The following LRRC8D variants were observed in gnomAD, a reference collection of about 807,000 sequenced individuals.
LRRC8D encodes volume-regulated anion channel subunit LRRC8D.
LRRC8D carries 20 observed loss-of-function variants against 55.8 expected under a neutral mutation model. That is an observed-to-expected ratio of 0.36 (90% CI 0.25 to 0.52). LRRC8D has a LOEUF of 0.52. LRRC8D is among the 20% of genes least tolerant of loss of function. The pLI is 0.93. For synonymous variants in LRRC8D, 352 were observed against 377.0 expected, an observed-to-expected ratio of 0.93 and a Z score of 0.77; for missense variants, 651 against 1,030.8, an observed-to-expected ratio of 0.63 and a Z score of 5.05.
Position 89,935,441 on chromosome 1 carries a change from A to C in LRRC8D, c.2373A>C (p.Pro791=), listed in dbSNP as rs551274416. The stretch of plus-strand genomic sequence containing the variant: ...GACAGAACTGCATCACCTCACTCCC[A>C]GAGAAAGTTGGTCAGCTCTCCCAGC... The part of the protein sequence containing the change: ...NLGQNCITSL[P]EKVGQLSQLT... Residue 791 remains proline, a synonymous_variant, in exon 3 of 3, where the codon CCA becomes CCC. Coordinates refer to ENST00000337338, the MANE Select transcript of LRRC8D (RefSeq NM_001134479.2). 1 of 1,614,230 alleles carries C rather than the reference A, an allele frequency of 6.2e-7. No homozygotes were observed.
At chr1:89,860,031 C>A (rs936234072) in intron 2 of LRRC8D, among the ~76,000 whole-genome samples, 2 of 152,202 alleles carry the variant, frequency 1.3e-5, no homozygotes, top group African/African-American at 4.8e-5. Context: ...GTCAGAATAT[C>A]TATTTGCCAA....
intron 2 of LRRC8D, among the ~76,000 whole-genome samples, chr1:89,926,977 T>C (rs1484191885): frequency 1.3e-4 from 20 of 152,242 alleles, no homozygotes. Flanking sequence ...GAAGTTTAAA[T>C]AGGATTCAGG....
intron 2 of LRRC8D, among the ~76,000 whole-genome samples, chr1:89,885,547 C>T (rs373410672): frequency 2.4e-4 from 37 of 152,142 alleles, no homozygotes; most frequent in Middle Eastern, 3.4e-3. Context: ...ATAGTACCAG[C>T]GCATTTAACA....
intron 1 of LRRC8D, 31 bp from the exon 2 acceptor site, chr1:89,843,607 A>G (rs1176990049): frequency 2.8e-6 from 2 of 701,808 alleles, no homozygotes; most frequent in Admixed American, 4.0e-5. Context: ...GGATCTCTCT[A>G]GCTCTTTCTC....
intron 2 of LRRC8D, among the ~76,000 whole-genome samples, chr1:89,869,274 T>A (rs1661935552): frequency 6.6e-6 from 1 of 152,136 alleles, no homozygotes; most frequent in Non-Finnish European, 1.5e-5. Flanking sequence ...GAATAACCAG[T>A]TTAGAGAAGA....
rs374980271 is a variant in LRRC8D, at chr1:89,877,230, CTCT to C, written c.-3+33450_-3+33452del. 7.6e-3 allele frequency among the ~76,000 whole-genome samples: 1,128 copies of C among 148,710 alleles called. 8 individuals are homozygous for C. The highest frequency in any genetic ancestry group is 0.027 in the African/African-American group (1,082 of 40,492). On this transcript the variant is annotated intron_variant, in intron 2 of 2. Transcript: ENST00000337338. The stretch of plus-strand genomic sequence containing the variant: ...TTCAAACAGTTCTTTCTCTCTCTCT[CTCT>C]TTTTTTTTTTTTAAATTTGTGTTTA...
chr1:89,862,555 T>C (rs1242982228), intron 2 of LRRC8D, among the ~76,000 whole-genome samples: 1 of 152,248 alleles, frequency 6.6e-6, no homozygotes, highest in East Asian at 1.9e-4. Flanking sequence ...TTTGTATTTC[T>C]TCTCTGTGCT....
intron 2 of LRRC8D, among the ~76,000 whole-genome samples, chr1:89,853,479 A>AC (rs1217974056): frequency 6.6e-6 from 1 of 152,254 alleles, no homozygotes; most frequent in Admixed American, 6.5e-5. Flanking sequence ...GACTGAGCAG[A>AC]CAAAAGAAGA....
At chr1:89,890,254 C>T (rs568248919) in intron 2 of LRRC8D, among the ~76,000 whole-genome samples, 2 of 152,142 alleles carry the variant, frequency 1.3e-5, no homozygotes, top group South Asian at 2.1e-4. Context: ...GAGAGGGCAG[C>T]ATACCACACC....
At chr1:89,847,373 C>G (rs983791777) in intron 2 of LRRC8D, among the ~76,000 whole-genome samples, 2 of 151,962 alleles carry the variant, frequency 1.3e-5, no homozygotes, top group African/African-American at 4.8e-5. Context: ...AAAGGAGGAG[C>G]AAAAGAGAGG....
chr1:89,910,571 T>C (rs562910644), intron 2 of LRRC8D, among the ~76,000 whole-genome samples: 14 of 152,350 alleles, frequency 9.2e-5, no homozygotes, highest in African/African-American at 3.4e-4. Context: ...GCAAATTTAA[T>C]TTAATTTGAG....
chr1:89,929,448 G>T (rs1475557117), intron 2 of LRRC8D, among the ~76,000 whole-genome samples: 1 of 152,198 alleles, frequency 6.6e-6, no homozygotes, highest in Admixed American at 6.5e-5. Context: ...TGGCAAGATG[G>T]AAAAGGGATT....
chr1:89,922,217 C>G (rs1437013984), intron 2 of LRRC8D, among the ~76,000 whole-genome samples: 3 of 152,002 alleles, frequency 2.0e-5, no homozygotes, highest in African/African-American at 7.3e-5. Context: ...GTGCTCGCCA[C>G]CACACCTGGC....
chr1:89,881,972 T>C (rs1414166459), intron 2 of LRRC8D, among the ~76,000 whole-genome samples: 1 of 152,160 alleles, frequency 6.6e-6, no homozygotes, highest in Non-Finnish European at 1.5e-5. Flanking sequence ...ATCCACTGCC[T>C]TGGTGATGGA....
At chr1:89,932,183 GGGCTTCATTCAT>G (rs1663720254) in intron 2 of LRRC8D, among the ~76,000 whole-genome samples, 1 of 152,270 alleles carries the variant, frequency 6.6e-6, no homozygotes, top group South Asian at 2.1e-4. Context: ...CCTGGCACCG[GGGCTTCATTCAT>G]GGCTGCTCGG....
At chr1:89,822,567 A>G (rs1008857691) in intron 1 of LRRC8D, among the ~76,000 whole-genome samples, 2 of 152,170 alleles carry the variant, frequency 1.3e-5, no homozygotes, top group African/African-American at 4.8e-5. Flanking sequence ...TTGAGCACCT[A>G]TTACGTGGTT....
At chr1:89,873,645 C>T (rs1662077541) in intron 2 of LRRC8D, among the ~76,000 whole-genome samples, 1 of 152,190 alleles carries the variant, frequency 6.6e-6, no homozygotes, top group African/African-American at 2.4e-5. Context: ...ATATCTTTGT[C>T]ATGTAGGATT....
At chr1:89,893,265 G>T (rs1297519535) in intron 2 of LRRC8D, among the ~76,000 whole-genome samples, 1 of 152,202 alleles carries the variant, frequency 6.6e-6, no homozygotes, top group African/African-American at 2.4e-5. Context: ...CCTGCAGAGG[G>T]ATGAGCACGT....
chr1:89,889,242 G>A (rs952917220), intron 2 of LRRC8D, among the ~76,000 whole-genome samples: 1 of 152,058 alleles, frequency 6.6e-6, no homozygotes, highest in Non-Finnish European at 1.5e-5. Context: ...TCCAGTTGGT[G>A]GTCATTCTAT....
Sources: allele counts gnomAD v4.1 joint callset (sites outside exome capture counted in the v4.1 genomes callset), GRCh38; gene constraint gnomAD v4.1.1; transcripts MANE v1.5; gene names NCBI Gene and HGNC (gene_info 2026-07-23, HGNC 2026-07-21).